The following TENM2 variants were observed in gnomAD, a reference collection of about 807,000 sequenced individuals.
The protein encoded by TENM2 is teneurin transmembrane protein 2.
Under a neutral mutation model 245.2 loss-of-function variants are expected in TENM2, and 52 were observed. That is an observed-to-expected ratio of 0.21 (90% CI 0.17 to 0.27). The LOEUF (loss-of-function observed/expected upper bound fraction) is 0.27, where lower values mean the gene tolerates loss of function less well. TENM2 is among the 10% of genes least tolerant of loss of function. The pLI is 1.00. For synonymous variants in TENM2, 1,363 were observed against 1,438.9 expected, an observed-to-expected ratio of 0.95 and a Z score of 1.19; for missense variants, 3,046 against 3,666.8, an observed-to-expected ratio of 0.83 and a Z score of 4.37.
intron 1 of TENM2, among the ~76,000 whole-genome samples, chr5:167,359,009 A>C (rs914524848): frequency 1.3e-5 from 2 of 152,048 alleles, no homozygotes; most frequent in African/African-American, 4.8e-5. Flanking sequence ...CACTCTTTCC[A>C]TCCGGACGGG....
chr5:167,352,654 C>T (rs1022093608), intron 1 of TENM2, among the ~76,000 whole-genome samples: 1 of 152,140 alleles, frequency 6.6e-6, no homozygotes, highest in Non-Finnish European at 1.5e-5. Flanking sequence ...AAAGGATCTA[C>T]ATAGCAACAA....
chr5:167,825,532 A>G (rs931266510), intron 2 of TENM2, among the ~76,000 whole-genome samples: 1 of 152,066 alleles, frequency 6.6e-6, no homozygotes, highest in African/African-American at 2.4e-5. Flanking sequence ...ACCTTAACTC[A>G]TCTGCTACCA....
intron 7 of TENM2, among the ~76,000 whole-genome samples, chr5:168,066,807 A>C (rs1790546891): frequency 1.3e-5 from 2 of 152,190 alleles, no homozygotes; most frequent in African/African-American, 4.8e-5. Flanking sequence ...GAAATCCTAC[A>C]AACTGTGTCA....
At chr5:168,194,009 A>G (rs1761172603) in intron 14 of TENM2, among the ~76,000 whole-genome samples, 1 of 152,206 alleles carries the variant, frequency 6.6e-6, no homozygotes, top group Admixed American at 6.5e-5. Flanking sequence ...GGGTATTGCT[A>G]ATAAAAAGAG....
chr5:167,132,217 C>G, the TENM2 span, among the ~76,000 whole-genome samples: 1 of 152,126 alleles, frequency 6.6e-6, no homozygotes, highest in Non-Finnish European at 1.5e-5. Flanking sequence ...AAATCTCATA[C>G]ACGTCTATAA....
intron 2 of TENM2, among the ~76,000 whole-genome samples, chr5:167,469,705 A>G (rs1262771927): frequency 2.0e-5 from 3 of 151,954 alleles, no homozygotes; most frequent in African/African-American, 7.2e-5. Flanking sequence ...TTTATAATCC[A>G]TTTTTATTAG....
the TENM2 span, among the ~76,000 whole-genome samples, chr5:167,077,828 G>A: frequency 6.6e-6 from 1 of 152,124 alleles, no homozygotes; most frequent in Non-Finnish European, 1.5e-5. Context: ...AAAACTGAGC[G>A]GGAATCTCTT....
At chr5:167,737,595 G>A (rs935695319) in intron 2 of TENM2, among the ~76,000 whole-genome samples, 1 of 152,140 alleles carries the variant, frequency 6.6e-6, no homozygotes, top group African/African-American at 2.4e-5. Flanking sequence ...CAGCCCTCTG[G>A]AGGTCTACAA....
intron 2 of TENM2, among the ~76,000 whole-genome samples, chr5:167,825,574 C>T (rs375422816): frequency 6.6e-6 from 1 of 152,138 alleles, no homozygotes; most frequent in African/African-American, 2.4e-5. Context: ...GCTCCTCTGG[C>T]GTGCACACAC....
intron 25 of TENM2, among the ~76,000 whole-genome samples, chr5:168,232,120 T>A (rs1222560646): frequency 6.6e-6 from 1 of 151,934 alleles, no homozygotes; most frequent in Non-Finnish European, 1.5e-5. Context: ...GGAAGACAGA[T>A]GAGAAGGGGA....
At chr5:168,103,976 C>T (rs1343272195) in intron 9 of TENM2, among the ~76,000 whole-genome samples, 1 of 152,060 alleles carries the variant, frequency 6.6e-6, no homozygotes, top group African/African-American at 2.4e-5. Context: ...GGCTGTGGGC[C>T]ATGATCGGTG....
chr5:167,395,778 A>G (rs1186751447), intron 2 of TENM2, among the ~76,000 whole-genome samples: 1 of 152,180 alleles, frequency 6.6e-6, no homozygotes, highest in African/African-American at 2.4e-5. Flanking sequence ...TGATGTGGTT[A>G]TACATCCTTT....
chr5:167,472,067 T>C (rs747444374), intron 2 of TENM2, among the ~76,000 whole-genome samples: 1 of 152,148 alleles, frequency 6.6e-6, no homozygotes, highest in Non-Finnish European at 1.5e-5. Flanking sequence ...TCCAGCCAAA[T>C]TGAGAGTAGA....
At chr5:168,032,159 A>G (rs1787205458) in intron 5 of TENM2, among the ~76,000 whole-genome samples, 1 of 152,208 alleles carries the variant, frequency 6.6e-6, no homozygotes, top group Non-Finnish European at 1.5e-5. Context: ...TCTCTCTCCC[A>G]TAGTTCCCAT....
chr5:168,221,933 A>G (rs1763706967), intron 23 of TENM2, among the ~76,000 whole-genome samples: 1 of 152,218 alleles, frequency 6.6e-6, no homozygotes, highest in Non-Finnish European at 1.5e-5. Flanking sequence ...CATCTGTTAC[A>G]TGGGGATAAA....
chr5:167,375,983 A>G (rs1476131862), intron 2 of TENM2, among the ~76,000 whole-genome samples: 1 of 152,184 alleles, frequency 6.6e-6, no homozygotes, highest in African/African-American at 2.4e-5. Context: ...GACAAATAGG[A>G]AGAGACTTGT....
intron 2 of TENM2, among the ~76,000 whole-genome samples, chr5:167,404,852 G>A (rs1035759721): frequency 1.3e-5 from 2 of 152,012 alleles, no homozygotes; most frequent in Admixed American, 6.6e-5. Flanking sequence ...GTATATCACA[G>A]GCTTGTGCAA....
intron 2 of TENM2, among the ~76,000 whole-genome samples, chr5:167,573,504 C>T (rs1774417473): frequency 8.7e-6 from 1 of 115,568 alleles, no homozygotes; most frequent in African/African-American, 3.2e-5. Context: ...TTCTCTGTCT[C>T]TCTCTCTCTC....
chr5:167,038,325 GGA>G, the TENM2 span, among the ~76,000 whole-genome samples: 1 of 152,114 alleles, frequency 6.6e-6, no homozygotes, highest in Non-Finnish European at 1.5e-5. Flanking sequence ...CTGCAATCCT[GGA>G]AGCATCAGAA....
Sources: allele counts gnomAD v4.1 joint callset (sites outside exome capture counted in the v4.1 genomes callset), GRCh38; gene constraint gnomAD v4.1.1; transcripts MANE v1.5; gene names NCBI Gene and HGNC (gene_info 2026-07-23, HGNC 2026-07-21).